Variants in COL5A2 observed in about 807,000 individuals in gnomAD.
COL5A2 encodes the protein collagen alpha-2(V) chain.
COL5A2 carries 23 observed loss-of-function variants against 208.2 expected under a neutral mutation model. The ratio of observed to expected loss-of-function variants is 0.11; its 90% CI spans 0.08 to 0.16. The LOEUF (loss-of-function observed/expected upper bound fraction) is 0.16, where lower values mean the gene tolerates loss of function less well. Among genes scored for constraint, COL5A2 ranks in the 10% least tolerant of loss-of-function variants. COL5A2 has a pLI of 1.00. For missense variants in COL5A2, 1,590 were observed against 1,956.4 expected (o/e 0.81, Z 3.53); for synonymous variants, 625 against 628.5 (o/e 0.99, Z 0.08).
chr2:189,067,942 A>G (rs900020200), intron 21 of COL5A2, 73 bp downstream of exon 21: 1 of 1,207,868 alleles, frequency 8.3e-7, no homozygotes, highest in Non-Finnish European at 1.2e-6. Flanking sequence ...ATTGCATCAC[A>G]TGACATGTTA....
chr2:189,213,335 T>C (rs897246386), intron 1 of COL5A2, among the ~76,000 whole-genome samples: 4 of 152,164 alleles, frequency 2.6e-5, no homozygotes, highest in Admixed American at 2.0e-4. Flanking sequence ...GATTAAATGC[T>C]ATAAAAAGTT....
chr2:189,088,000 T>C (rs979126165), intron 8 of COL5A2, among the ~76,000 whole-genome samples: 7 of 152,108 alleles, frequency 4.6e-5, no homozygotes, highest in African/African-American at 1.4e-4. Flanking sequence ...GCCTTAAGGA[T>C]GGATAGAAGG....
the COL5A2 span, among the ~76,000 whole-genome samples, chr2:189,232,070 G>A: frequency 6.6e-6 from 1 of 151,700 alleles, no homozygotes; most frequent in African/African-American, 2.4e-5. Context: ...ACCCTTCTGG[G>A]CCTGAGCATA....
chr2:189,178,470 G>C (rs1321988071), intron 1 of COL5A2, among the ~76,000 whole-genome samples: 1 of 151,932 alleles, frequency 6.6e-6, no homozygotes, highest in Non-Finnish European at 1.5e-5. Flanking sequence ...TTAAAAGCTT[G>C]AGTTTGATGT....
At chr2:189,409,944 G>A in the COL5A2 span, among the ~76,000 whole-genome samples, 5 of 152,126 alleles carry the variant, frequency 3.3e-5, no homozygotes, top group Non-Finnish European at 7.4e-5. Flanking sequence ...AAAAAATAGA[G>A]TTCAATGTCA....
intron 22 of COL5A2, 43 bp downstream of exon 22, chr2:189,066,686 A>C: frequency 6.6e-7 from 1 of 1,525,988 alleles, no homozygotes; most frequent in Non-Finnish European, 9.1e-7. Flanking sequence ...ACACTTCCAG[A>C]CAATACTATG....
intron 29 of COL5A2, 107 bp downstream of exon 29, chr2:189,062,758 A>T: frequency 7.8e-7 from 1 of 1,279,598 alleles, no homozygotes; most frequent in Non-Finnish European, 1.1e-6. Flanking sequence ...ATACATTCTT[A>T]TTCACTTTCC....
chr2:189,053,451 A>G lies in COL5A2; in HGVS notation c.2526T>C (p.Thr842=). 6.2e-7 allele frequency: 1 copy of G among 1,613,918 alleles called. No homozygotes were observed. The highest frequency in any genetic ancestry group is 8.5e-7 in the Non-Finnish European group (1 of 1,179,858). The part of the protein sequence containing the change: ...NPGSRGENGP[T]GAVGFAGPQG... ...GGGGTCCGGCAAAACCAACAGCTCCAGTTGGCCCATTTTCACCTCGAGAAC... is the reference window on the plus strand; with the variant it reads ...GGGGTCCGGCAAAACCAACAGCTCCGGTTGGCCCATTTTCACCTCGAGAAC... Residue 842 remains threonine, a synonymous_variant, in exon 38 of 54, where the codon ACT becomes ACC. Coordinates refer to ENST00000374866, the MANE Select transcript of COL5A2 (RefSeq NM_000393.5).
intron 1 of COL5A2, among the ~76,000 whole-genome samples, chr2:189,159,665 A>T (rs1229023540): frequency 3.3e-5 from 5 of 152,092 alleles, no homozygotes; most frequent in Non-Finnish European, 7.4e-5. Context: ...GTGTGGTTCT[A>T]TCTTCCTCTT....
chr2:189,045,343 T>C (rs1685643670), intron 46 of COL5A2, 111 bp from the exon 47 acceptor site: 1 of 532,298 alleles, frequency 1.9e-6, no homozygotes, highest in Non-Finnish European at 3.4e-6. Context: ...TATATATATG[T>C]GTGTGTGTGT....
At chr2:189,396,448 T>G in the COL5A2 span, among the ~76,000 whole-genome samples, 2 of 122,656 alleles carry the variant, frequency 1.6e-5, no homozygotes, top group Admixed American at 8.3e-5. Flanking sequence ...CTGAGGCGGG[T>G]GAATCACGAG....
rs188576882 is a variant in COL5A2 at position 189,045,340 on chromosome 2, A to G, written c.3310-108T>C. 0.014 allele frequency: 7,967 copies of G among 581,784 alleles called. 90 individuals are homozygous for G. Among genetic ancestry groups the G allele is most frequent in the East Asian group, 0.069 (2,224 of 32,152 alleles). The allele number at this position is 581,784 out of a possible 1,614,324, so 36.0% of individuals were successfully genotyped here. A position where few individuals can be genotyped will look rare whatever the true frequency, so the allele number is the denominator to read the frequency against. On this transcript the variant is annotated intron_variant, in intron 46 of 53. Transcript: ENST00000374866. Reference sequence around the variant, plus strand: ...TTTATAGTTGGATGCATATATATATATGTGTGTGTGTGTGTGTGTGTGTGC... The same window carrying G: ...TTTATAGTTGGATGCATATATATATGTGTGTGTGTGTGTGTGTGTGTGTGC...
the COL5A2 span, among the ~76,000 whole-genome samples, chr2:189,387,811 A>G: frequency 6.6e-6 from 1 of 152,192 alleles, no homozygotes; most frequent in African/African-American, 2.4e-5. Context: ...AGTTTTATAT[A>G]CTAGTAATCT....
chr2:189,352,448 T>A, the COL5A2 span, among the ~76,000 whole-genome samples: 2 of 152,150 alleles, frequency 1.3e-5, no homozygotes, highest in African/African-American at 2.4e-5. Context: ...TTTCTCCACA[T>A]CCTCTCCAGC....
chr2:189,122,324 A>C (rs1478787801), intron 1 of COL5A2, among the ~76,000 whole-genome samples: 1 of 152,166 alleles, frequency 6.6e-6, no homozygotes, highest in East Asian at 1.9e-4. Context: ...AGGCCTTGAA[A>C]AAATAGAAGG....
the COL5A2 span, among the ~76,000 whole-genome samples, chr2:189,252,440 G>T: frequency 6.6e-6 from 1 of 152,254 alleles, no homozygotes; most frequent in South Asian, 2.1e-4. Context: ...CCATAAAAAG[G>T]ATGAGTTCAT....
chr2:189,125,582 T>C (rs1687591953), intron 1 of COL5A2, among the ~76,000 whole-genome samples: 2 of 152,138 alleles, frequency 1.3e-5, no homozygotes, highest in South Asian at 2.1e-4. Context: ...ATGATCCACA[T>C]CCACTTAATA....
chr2:189,060,608 C>A (rs1037495648), intron 31 of COL5A2, 122 bp downstream of exon 31: 2 of 806,872 alleles, frequency 2.5e-6, no homozygotes, highest in South Asian at 2.9e-5. Context: ...GTACATAGGG[C>A]TGCTTTGAGA....
At chr2:189,286,225 G>A in the COL5A2 span, among the ~76,000 whole-genome samples, 2 of 152,124 alleles carry the variant, frequency 1.3e-5, no homozygotes, top group Admixed American at 1.3e-4. Context: ...CCATTTTCAG[G>A]TGGTACTTTT....
Sources: gnomAD v4.1 joint callset for allele counts (sites outside exome capture counted in the v4.1 genomes callset) on GRCh38, gnomAD v4.1.1 for gene constraint, MANE v1.5 for transcripts, NCBI Gene and HGNC (gene_info 2026-07-23, HGNC 2026-07-21) for gene names.